CTNNAL1: variants seen among roughly 807,000 people sequenced by gnomAD.
CTNNAL1 encodes the protein alpha-catulin.
In CTNNAL1, 69 loss-of-function variants were observed where a neutral mutation model predicts 93.6. The observed-to-expected ratio is 0.74, with a 90% CI of 0.61 to 0.90. The LOEUF (loss-of-function observed/expected upper bound fraction) is 0.90. Among genes scored for constraint, CTNNAL1 ranks in the 40% least tolerant of loss-of-function variants. The pLI is 0.00. For missense variants in CTNNAL1, 836 were observed against 862.0 expected (o/e 0.97, Z 0.38); for synonymous variants, 286 against 305.4 (o/e 0.94, Z 0.66).
At chr9:108,958,320 G>C (rs1159468465) in intron 11 of CTNNAL1, among the ~76,000 whole-genome samples, 1 of 152,130 alleles carries the variant, frequency 6.6e-6, no homozygotes, top group Non-Finnish European at 1.5e-5. Flanking sequence ...CAGAGTTAAA[G>C]CAAGTAGAAT....
intron 4 of CTNNAL1, among the ~76,000 whole-genome samples, chr9:108,986,854 T>C (rs1011694870): frequency 4.2e-4 from 64 of 152,314 alleles, no homozygotes; most frequent in African/African-American, 1.3e-3. Flanking sequence ...TCATATCCTT[T>C]GCCCACTTTT....
intron 3 of CTNNAL1, chr9:108,991,981 G>T: frequency 1.4e-6 from 1 of 721,064 alleles, no homozygotes; most frequent in East Asian, 2.5e-5. Context: ...GTAACATTTA[G>T]GGACTCTGAG....
intron 1 of CTNNAL1, among the ~76,000 whole-genome samples, chr9:109,008,876 C>CTTTTTTTT (rs1162375548): frequency 1.8e-5 from 1 of 54,892 alleles, no homozygotes; most frequent in Non-Finnish European, 3.4e-5. Context: ...AACAGAGGTT[C>CTTTTTTTT]TTTTTTTTTT....
chr9:109,013,200 A>G, intron 1 of CTNNAL1, 102 bp downstream of exon 1: 2 of 1,325,518 alleles, frequency 1.5e-6, no homozygotes, highest in Non-Finnish European at 2.0e-6. Context: ...CCGGCGCGGA[A>G]AGTGGGGCAG....
chr9:109,008,866 A>AACAG (rs1827117237), intron 1 of CTNNAL1, among the ~76,000 whole-genome samples: 1 of 144,832 alleles, frequency 6.9e-6, no homozygotes, highest in Non-Finnish European at 1.5e-5. Flanking sequence ...CCTTTTGATG[A>AACAG]ACAGAGGTTC....
In CTNNAL1 at chr9:108,944,016, A is replaced by C. The variant is rs1323954883; in HGVS notation, c.1887T>G (p.Val629=). The C allele has an allele frequency of 6.2e-7, 1 of 1,613,248 alleles. No homozygotes were observed. Among genetic ancestry groups the C allele is most frequent in the Non-Finnish European group, 8.5e-7 (1 of 1,179,682 alleles). ...TAAGCTTTAAACCCTCTGCAGCAAA[A>C]ACCTGGTAGAAAGAGAAAACACCAC... ...TSQDLIHQLE[V]FAAEGLKLTS... is the part of the protein sequence containing the mutation. The change falls in exon 16 of 19, where the codon GTT becomes GTG. Residue 629 remains valine, a splice_region_variant and synonymous_variant. Transcript: ENST00000325551.
At chr9:108,972,865 A>ACT in intron 8 of CTNNAL1, 32 bp from the exon 9 acceptor site, 50 of 219,248 alleles carry the variant, frequency 2.3e-4, no homozygotes, top group South Asian at 4.8e-4. Flanking sequence ...GGGGGGTGGG[A>ACT]GGGTGGAGAA....
At chr9:108,975,024 G>C (rs1000750619) in intron 8 of CTNNAL1, among the ~76,000 whole-genome samples, 2 of 151,876 alleles carry the variant, frequency 1.3e-5, no homozygotes, top group African/African-American at 4.8e-5. Context: ...TTAGCTGGGC[G>C]TGGTGGCGTG....
chr9:109,002,834 AAG>A (rs1171158946), intron 1 of CTNNAL1, among the ~76,000 whole-genome samples: 27 of 150,704 alleles, frequency 1.8e-4, no homozygotes, highest in Admixed American at 3.3e-4. Flanking sequence ...AAAAAAAAAA[AAG>A]AAAAAAGTTA....
chr9:108,952,390 C>A, intron 13 of CTNNAL1, 27 bp from the exon 14 acceptor site: 1 of 1,614,114 alleles, frequency 6.2e-7, no homozygotes, highest in Non-Finnish European at 8.5e-7. Context: ...TTAATCACAA[C>A]GACTTTATCA....
chr9:109,002,841 AAGTT>A (rs1826888466), intron 1 of CTNNAL1, among the ~76,000 whole-genome samples: 1 of 151,866 alleles, frequency 6.6e-6, no homozygotes, highest in Admixed American at 6.6e-5. Flanking sequence ...AAAAAGAAAA[AAGTT>A]AGCCAGGTAT....
rs907897470 is a variant in CTNNAL1, at chr9:108,970,254, C to T, written c.1440+148G>A. On this transcript the variant is annotated intron_variant, in intron 10 of 18. Coordinates refer to ENST00000325551, the MANE Select transcript of CTNNAL1 (RefSeq NM_003798.4). Reference sequence around the variant, plus strand: ...ATGGAAGGTTAGCCATGTTCTGGCACACTACCAACAGAAATTCCATTATCT... The same window carrying T: ...ATGGAAGGTTAGCCATGTTCTGGCATACTACCAACAGAAATTCCATTATCT... The T allele has an allele frequency of 8.0e-5, 53 of 666,572 alleles. No individual in the cohort carries two copies. The South Asian group carries it at 1.3e-3, about 16-fold the overall frequency. The allele number at this position is 666,572 out of a possible 1,614,324, so 41.3% of individuals were successfully genotyped here.
At chr9:108,976,732 A>C (rs376822489) in intron 8 of CTNNAL1, among the ~76,000 whole-genome samples, 2 of 152,124 alleles carry the variant, frequency 1.3e-5, no homozygotes, top group East Asian at 3.9e-4. Context: ...GGGTTTTGCC[A>C]TGTTGCCCAG....
At chr9:108,974,788 T>C (rs1008213258) in intron 8 of CTNNAL1, among the ~76,000 whole-genome samples, 1 of 152,060 alleles carries the variant, frequency 6.6e-6, no homozygotes, top group African/African-American at 2.4e-5. Context: ...GTTCACACCA[T>C]TGTCTGGGCA....
Position 108,942,816 on chromosome 9 carries a change from CG to C in CTNNAL1, c.2157del (p.Asn719LysfsTer29). The C allele has an allele frequency of 6.2e-7, 1 of 1,613,544 alleles. No homozygotes were observed. Among genetic ancestry groups the C allele is most frequent in the Non-Finnish European group, 8.5e-7 (1 of 1,179,752 alleles). ...KLLKKLQMENNGWVSVTNKDT... is the reference protein window; with the variant it reads ...KLLKKLQMENXGWVSVTNKDT... ...TCCTTATTTGTAACTGAGACCCATC[CG>C]TTATTTTCCATCTGAAGCTGGAAAG... On this transcript the variant is annotated frameshift_variant, in exon 19 of 19. Coordinates refer to ENST00000325551, the MANE Select transcript of CTNNAL1 (RefSeq NM_003798.4). LOFTEE classifies it high-confidence loss of function.
intron 4 of CTNNAL1, among the ~76,000 whole-genome samples, chr9:108,987,589 G>A (rs1182399408): frequency 6.6e-6 from 1 of 151,812 alleles, no homozygotes; most frequent in East Asian, 1.9e-4. Flanking sequence ...GCTTGATGGG[G>A]ATGGCATTGA....
chr9:108,956,474 T>C (rs1231871667), intron 11 of CTNNAL1, among the ~76,000 whole-genome samples: 4 of 152,200 alleles, frequency 2.6e-5, no homozygotes, highest in Non-Finnish European at 5.9e-5. Flanking sequence ...AATAATAGAC[T>C]TTTTATAAAT....
intron 1 of CTNNAL1, among the ~76,000 whole-genome samples, chr9:109,010,201 G>T (rs181692004): frequency 6.6e-6 from 1 of 152,196 alleles, no homozygotes; most frequent in Non-Finnish European, 1.5e-5. Flanking sequence ...CAGTGCGCCT[G>T]TGCCTTGTTT....
chr9:108,989,335 T>C (rs1232464132), intron 4 of CTNNAL1, among the ~76,000 whole-genome samples: 3 of 152,004 alleles, frequency 2.0e-5, no homozygotes, highest in African/African-American at 4.8e-5. Flanking sequence ...ATAATTATCA[T>C]TGGGGAGAAT....
Sources: gnomAD v4.1 joint callset for allele counts (sites outside exome capture counted in the v4.1 genomes callset) on GRCh38, gnomAD v4.1.1 for gene constraint, MANE v1.5 for transcripts, NCBI Gene and HGNC (gene_info 2026-07-23, HGNC 2026-07-21) for gene names.